The following RTN4 variants were observed in gnomAD, a reference collection of about 807,000 sequenced individuals.
The protein encoded by RTN4 is reticulon 4.
RTN4 carries 32 observed loss-of-function variants against 90.4 expected under a neutral mutation model. That is an observed-to-expected ratio of 0.35 (90% CI 0.27 to 0.48). RTN4 has a LOEUF of 0.48. Among genes scored for constraint, RTN4 ranks in the 20% least tolerant of loss-of-function variants. The pLI is 0.99. For missense variants in RTN4, 1,706 were observed against 1,430.2 expected (o/e 1.19, Z -3.11); for synonymous variants, 629 against 552.5 (o/e 1.14, Z -1.94).
chr2:55,101,513 A>G (rs542976939), intron 1 of RTN4, among the ~76,000 whole-genome samples: 7 of 152,256 alleles, frequency 4.6e-5, no homozygotes, highest in Middle Eastern at 3.4e-3. Flanking sequence ...ATCCAAAATG[A>G]TTTGGTGTAT....
intron 3 of RTN4, among the ~76,000 whole-genome samples, chr2:54,994,919 T>C (rs1017442036): frequency 1.3e-5 from 2 of 152,226 alleles, no homozygotes; most frequent in African/African-American, 4.8e-5. Flanking sequence ...TCATTTTCTA[T>C]GGCATATTTC....
chr2:55,030,596 C>G (rs1157274477), intron 1 of RTN4, among the ~76,000 whole-genome samples: 1 of 152,080 alleles, frequency 6.6e-6, no homozygotes, highest in South Asian at 2.1e-4. Flanking sequence ...TAAGAGTACC[C>G]ACCTAAAAAT....
At chr2:55,061,066 A>ATTTTTTT (rs36001702) in intron 2 of RTN4, among the ~76,000 whole-genome samples, 2 of 140,692 alleles carry the variant, frequency 1.4e-5, no homozygotes, top group African/African-American at 5.4e-5. Flanking sequence ...AAAAATAAGA[A>ATTTTTTT]TTTTTTTTTT....
chr2:55,065,597 C>G (rs753346424), intron 2 of RTN4, among the ~76,000 whole-genome samples: 5 of 152,046 alleles, frequency 3.3e-5, no homozygotes, highest in African/African-American at 4.8e-5. Flanking sequence ...ATAAAAAGAG[C>G]AAACCACTAC....
chr2:55,069,121 C>A (rs1668444610), intron 2 of RTN4, among the ~76,000 whole-genome samples: 1 of 152,280 alleles, frequency 6.6e-6, no homozygotes, highest in South Asian at 2.1e-4. Context: ...CTGAAGAAAT[C>A]TCAGGAGGAG....
Position 55,050,307 on chromosome 2 carries a change from A to C in RTN4, c.-7T>G, listed in dbSNP as rs1403882766. 2 of 1,410,184 alleles carry C rather than the reference A, an allele frequency of 1.4e-6. No individual in the cohort carries two copies. The highest frequency in any genetic ancestry group is 1.8e-6 in the Non-Finnish European group (2 of 1,081,794). The allele number at this position is 1,410,184 out of a possible 1,614,324, so 87.4% of individuals were successfully genotyped here. ...ACTGGTCCAGGTCTTCCATGGCTGGAGGGTGGAGATGATGCTGCAGCTGCT... is the reference window on the plus strand; with the variant it reads ...ACTGGTCCAGGTCTTCCATGGCTGGCGGGTGGAGATGATGCTGCAGCTGCT... On this transcript the variant is annotated 5_prime_UTR_variant, in exon 1 of 9. Coordinates refer to ENST00000337526, the MANE Select transcript of RTN4 (RefSeq NM_020532.5). The surrounding 1 kb of genome is among the most constrained non-coding windows in gnomAD (Gnocchi z 4.6).
chr2:55,038,800 A>G (rs1403442937), intron 1 of RTN4, among the ~76,000 whole-genome samples: 1 of 152,242 alleles, frequency 6.6e-6, no homozygotes, highest in Non-Finnish European at 1.5e-5. Context: ...AAAAATGTCT[A>G]TGTAAGAATG....
At chr2:54,995,439 A>G (rs1405178823) in intron 3 of RTN4, among the ~76,000 whole-genome samples, 3 of 152,112 alleles carry the variant, frequency 2.0e-5, no homozygotes, top group Non-Finnish European at 4.4e-5. Context: ...AGCACCTCCT[A>G]CCACCACCAC....
At chr2:55,003,243 A>T (rs545515615) in intron 3 of RTN4, among the ~76,000 whole-genome samples, 1 of 152,300 alleles carries the variant, frequency 6.6e-6, no homozygotes, top group South Asian at 2.1e-4. Flanking sequence ...CACAATATAA[A>T]TGTTCATCGA....
intron 2 of RTN4, among the ~76,000 whole-genome samples, chr2:55,066,512 T>A (rs1312527987): frequency 6.6e-6 from 1 of 151,918 alleles, no homozygotes; most frequent in African/African-American, 2.4e-5. Context: ...CTGGCCAACA[T>A]GGTGAAACCC....
At chr2:55,134,310 A>G in the RTN4 span, among the ~76,000 whole-genome samples, 2 of 152,104 alleles carry the variant, frequency 1.3e-5, no homozygotes, top group Admixed American at 6.5e-5. Context: ...TCTCACTACC[A>G]TCAGCATTCC....
At chr2:54,975,478 A>T (rs1213717412) in intron 5 of RTN4, among the ~76,000 whole-genome samples, 1 of 152,234 alleles carries the variant, frequency 6.6e-6, no homozygotes, top group Non-Finnish European at 1.5e-5. Flanking sequence ...CCCATTATCT[A>T]AAGCGGGGAT....
At chr2:55,109,800 C>G (rs1668004548) in intron 1 of RTN4, among the ~76,000 whole-genome samples, 1 of 152,038 alleles carries the variant, frequency 6.6e-6, no homozygotes, top group Non-Finnish European at 1.5e-5. Context: ...AGTAAATATG[C>G]CCTAAATATT....
chr2:55,027,864 T>C (rs994545948), intron 2 of RTN4, among the ~76,000 whole-genome samples: 1 of 152,144 alleles, frequency 6.6e-6, no homozygotes, highest in Non-Finnish European at 1.5e-5. Context: ...CTGGTATTTA[T>C]TTACAGGAAA....
In RTN4 at chr2:55,026,177, G is replaced by C. The variant is rs201139274; in HGVS notation, c.1922C>G (p.Ala641Gly). ...VIQPSSSPLE[A>G]SSVNYESIKH... Reference sequence around the variant, plus strand: ...TATGCTTTCATAATTAACTGAAGAAGCTTCTAATGGTGATGAGCTGGGCTG... The same window carrying C: ...TATGCTTTCATAATTAACTGAAGAACCTTCTAATGGTGATGAGCTGGGCTG... The change falls in exon 3 of 9, where the codon GCT becomes GGT. Residue 641 changes from alanine to glycine, a missense_variant. Ala to Gly is a moderately conservative substitution (Grantham distance 60). Transcript: ENST00000337526. 36 of 1,613,430 alleles carry C rather than the reference G, an allele frequency of 2.2e-5. No homozygotes were observed. Among genetic ancestry groups the C allele is most frequent in the Non-Finnish European group, 3.0e-5 (35 of 1,179,828 alleles).
Position 55,026,983 on chromosome 2 carries a change from CTT to C in RTN4, c.1114_1115del (p.Lys372GlufsTer19). 6.2e-7 allele frequency: 1 copy of C among 1,613,444 alleles called. No individual in the cohort carries two copies. The highest frequency in any genetic ancestry group is 8.5e-7 in the Non-Finnish European group (1 of 1,179,894). Reference protein sequence around the residue: ...SEKAKDSFNEKRVAVEAPMRE... With the variant: ...SEKAKDSFNEXRVAVEAPMRE... ...TCATAGGAGCTTCCACTGCAACTCT[CTT>C]TTCATTAAAACTGTCTTTTGCTTTT... On this transcript the variant is annotated frameshift_variant, in exon 3 of 9. Transcript: ENST00000337526. LOFTEE classifies it high-confidence loss of function.
chr2:55,026,550 G>A lies in RTN4; in HGVS notation c.1549C>T (p.Pro517Ser), dbSNP rs1558822628. The stretch of plus-strand genomic sequence containing the variant: ...GAATCCTGTGCTGCTACAAGAAAAG[G>A]GTTTGATGTTTTGGTGCTAGTATTC... The part of the protein sequence containing the change: ...EKNTSTKTSN[P>S]FLVAAQDSET... The change falls in exon 3 of 9, where the codon CCT (proline) becomes TCT (serine). Residue 517 changes from proline to serine, a missense_variant. Transcript: ENST00000337526. The A allele has an allele frequency of 6.2e-7, 1 of 1,613,452 alleles. No individual in the cohort carries two copies. The highest frequency in any genetic ancestry group is 8.5e-7 in the Non-Finnish European group (1 of 1,179,868).
chr2:55,102,585 A>G, intron 1 of RTN4, among the ~76,000 whole-genome samples: 2 of 152,170 alleles, frequency 1.3e-5, no homozygotes, highest in African/African-American at 4.8e-5. Flanking sequence ...AGACCTCACA[A>G]GAATCTGGTG....
At chr2:54,989,409 C>A (rs2919129) in intron 3 of RTN4, among the ~76,000 whole-genome samples, 50,579 of 152,056 alleles carry the variant, frequency 0.33, 9,347 homozygotes, top group East Asian at 0.62. Flanking sequence ...CATCTAAAGG[C>A]GCTTAGTGCT....
Sources: allele counts gnomAD v4.1 joint callset (sites outside exome capture counted in the v4.1 genomes callset), GRCh38; gene constraint gnomAD v4.1.1; non-coding constraint Gnocchi (gnomAD v3.1); transcripts MANE v1.5; gene names NCBI Gene and HGNC (gene_info 2026-07-23, HGNC 2026-07-21).